The following BRD1 variants were observed in gnomAD, a reference collection of about 807,000 sequenced individuals.
The protein encoded by BRD1 is bromodomain-containing protein 1.
A neutral mutation model predicts 107.7 loss-of-function variants in BRD1; 24 were observed. The observed-to-expected ratio is 0.22, with a 90% CI of 0.16 to 0.31. BRD1 has a LOEUF of 0.31. Ranked by LOEUF, BRD1 falls within the 10% of genes least tolerant of loss-of-function variation. BRD1 has a pLI of 1.00. For missense variants in BRD1, 1,279 were observed against 1,638.6 expected, an observed-to-expected ratio of 0.78 and a Z score of 3.79; for synonymous variants, 744 against 686.1, an observed-to-expected ratio of 1.08 and a Z score of -1.32.
At chr22:49,809,666 G>A (rs80174192) in intron 2 of BRD1, among the ~76,000 whole-genome samples, 6 of 152,060 alleles carry the variant, frequency 3.9e-5, no homozygotes, top group African/African-American at 9.7e-5. Context: ...ACTGCTGACC[G>A]ATCAGCTGAA....
chr22:49,775,824 C>CGCCCCCTGCAGCTGTGTGA, intron 11 of BRD1, 79 bp from the exon 12 acceptor site: 1 of 1,281,046 alleles, frequency 7.8e-7, no homozygotes, highest in Non-Finnish European at 1.0e-6. Context: ...CACCCCCCCC[C>CGCCCCCTGCAGCTGTGTGA]GCCTCCCCAC....
chr22:49,776,181 G>A, intron 10 of BRD1, 22 bp from the exon 11 acceptor site: 1 of 1,592,982 alleles, frequency 6.3e-7, no homozygotes, highest in South Asian at 1.1e-5. Flanking sequence ...GGCGTCAGCA[G>A]GACACAGGCG....
intron 2 of BRD1, among the ~76,000 whole-genome samples, chr22:49,810,507 T>C (rs1039242411): frequency 1.3e-5 from 2 of 152,208 alleles, no homozygotes; most frequent in African/African-American, 4.8e-5. Context: ...TAAATGTTTG[T>C]GCTTCAAAGA....
chr22:49,802,053 C>A (rs1197598823), intron 3 of BRD1, among the ~76,000 whole-genome samples: 1 of 152,264 alleles, frequency 6.6e-6, no homozygotes, highest in Non-Finnish European at 1.5e-5. Context: ...GGAGTTCTGT[C>A]CAGCCCCGAG....
chr22:49,814,736 G>C (rs17001323), intron 2 of BRD1, among the ~76,000 whole-genome samples: 2,899 of 152,326 alleles, frequency 0.019, 82 homozygotes, highest in African/African-American at 0.066. Context: ...ATCGCCTCCA[G>C]CAGGTAGCAC....
Position 49,815,085 on chromosome 22 carries a change from G to C in BRD1, c.1367+7866C>G, listed in dbSNP as rs963442566. 2.0e-5 allele frequency among the ~76,000 whole-genome samples: 3 copies of C among 152,220 alleles called. No homozygotes were observed. The East Asian group carries it at 5.8e-4, about 29-fold the overall frequency. The stretch of plus-strand genomic sequence containing the variant: ...ACTGTGGTTCATGGCCCACGGCCCT[G>C]CTCTGCGAAATGCTACCTTTAGTTC... On this transcript the variant is annotated intron_variant, in intron 2 of 12. Coordinates refer to ENST00000404760, the MANE Select transcript of BRD1 (RefSeq NM_001304808.3).
chr22:49,775,771 C>T (rs2146903184), intron 11 of BRD1, 26 bp from the exon 12 acceptor site: 1 of 1,600,712 alleles, frequency 6.2e-7, no homozygotes, highest in South Asian at 1.1e-5. Context: ...CCGCTGAGGT[C>T]ATTGTGAGGC....
At chr22:49,819,959 G>A (rs566268765) in intron 2 of BRD1, among the ~76,000 whole-genome samples, 78 of 151,718 alleles carry the variant, frequency 5.1e-4, no homozygotes, top group African/African-American at 1.8e-3. Context: ...GTGAAACCCC[G>A]TCTCTACTAA....
chr22:49,787,331 A>C, intron 8 of BRD1, 59 bp downstream of exon 8: 3 of 918,516 alleles, frequency 3.3e-6, no homozygotes, highest in Non-Finnish European at 1.5e-6. Flanking sequence ...AATGATCCTG[A>C]AGGACGCTCC....
rs2059580583 is a variant in BRD1, at chr22:49,798,577, T to C, written c.1766A>G (p.Gln589Arg). ...QDKDPARIFA[Q>R]PVSLKEVPDY... ...ACCCACCTCCTTCAGACTCACGGGC[T>C]GCGCAAATATCCTGGCGGGGTCCTT... Residue 589 changes from glutamine to arginine, a missense_variant, in exon 5 of 13, where the codon CAG becomes CGG. Physicochemically the swap from Gln to Arg is conservative, Grantham distance 43. Transcript: ENST00000404760. 6.2e-7 allele frequency: 1 copy of C among 1,614,176 alleles called. No individual in the cohort carries two copies. Among genetic ancestry groups the C allele is most frequent in the Non-Finnish European group, 8.5e-7 (1 of 1,180,036 alleles).
intron 2 of BRD1, among the ~76,000 whole-genome samples, chr22:49,808,140 T>TA (rs1224064324): frequency 6.6e-6 from 1 of 152,182 alleles, no homozygotes; most frequent in Non-Finnish European, 1.5e-5. Context: ...CTCAAACACT[T>TA]AAAGACAGAA....
At chr22:49,781,388 A>C (rs777157242) in intron 8 of BRD1, among the ~76,000 whole-genome samples, 9 of 152,202 alleles carry the variant, frequency 5.9e-5, no homozygotes, top group Non-Finnish European at 1.0e-4. Flanking sequence ...AGGGAAGAGA[A>C]GCCCCAGGGC....
At chr22:49,822,195 GC>G (rs1419816440) in intron 2 of BRD1, among the ~76,000 whole-genome samples, 2 of 152,208 alleles carry the variant, frequency 1.3e-5, no homozygotes, top group Non-Finnish European at 2.9e-5. Context: ...GGATGCAGAG[GC>G]AGGCAGACTG....
chr22:49,785,441 C>T (rs1426529790), intron 8 of BRD1, among the ~76,000 whole-genome samples: 1 of 152,248 alleles, frequency 6.6e-6, no homozygotes, highest in Admixed American at 6.5e-5. Context: ...GAGGGGACGC[C>T]CACAATTACA....
intron 7 of BRD1, among the ~76,000 whole-genome samples, chr22:49,790,870 G>T (rs1052551337): frequency 2.6e-5 from 4 of 152,216 alleles, no homozygotes; most frequent in Non-Finnish European, 5.9e-5. Context: ...ACGGCAGGGG[G>T]ACTTCCACAC....
At chr22:49,776,206 G>GCGTCA in intron 10 of BRD1, 47 bp from the exon 11 acceptor site, 1 of 1,517,480 alleles carries the variant, frequency 6.6e-7, no homozygotes, top group Non-Finnish European at 9.0e-7. Flanking sequence ...CAGGACACGG[G>GCGTCA]GCACGCCCCG....
In BRD1 at chr22:49,824,051, A is replaced by C. The variant is rs1354966533; in HGVS notation, c.267T>G (p.Thr89=). 1.9e-6 allele frequency: 3 copies of C among 1,613,918 alleles called. No individual in the cohort carries two copies. In the Admixed American group the frequency reaches 5.0e-5, roughly 27 times the overall value. Residue 89 remains threonine, a synonymous_variant, in exon 2 of 13, where the codon ACT becomes ACG. Coordinates refer to ENST00000404760, the MANE Select transcript of BRD1 (RefSeq NM_001304808.3). The surrounding 1 kb of genome is among the most constrained non-coding windows in gnomAD (Gnocchi z 5.9). ...NSERPPVCLR[T]KRHKNNRVKK... is the part of the protein sequence containing the mutation. Reference sequence around the variant, plus strand: ...TGACTCTGTTGTTTTTGTGACGCTTAGTTCTTAAGCAGACAGGAGGCCGCT... The same window carrying C: ...TGACTCTGTTGTTTTTGTGACGCTTCGTTCTTAAGCAGACAGGAGGCCGCT...
intron 2 of BRD1, among the ~76,000 whole-genome samples, chr22:49,814,806 A>G (rs962218988): frequency 6.6e-6 from 1 of 152,212 alleles, no homozygotes; most frequent in African/African-American, 2.4e-5. Flanking sequence ...CCCCAGTAGT[A>G]AAGAAAACTT....
rs368291617 is a variant in BRD1, at chr22:49,798,995, C to A, written c.1649G>T (p.Arg550Leu). 2.5e-6 allele frequency: 4 copies of A among 1,607,272 alleles called. No homozygotes were observed. Among genetic ancestry groups the A allele is most frequent in the African/African-American group, 1.3e-5 (1 of 74,882 alleles). Residue 550 changes from arginine (R) to leucine (L), a missense_variant, in exon 4 of 13, where the codon CGT (arginine) becomes CTT (leucine). By Grantham distance (102) the Arg-to-Leu change is moderately radical. Coordinates refer to ENST00000404760, the MANE Select transcript of BRD1 (RefSeq NM_001304808.3). ...ELLRKREKLK[R>L]EQVKVEQVAM... The stretch of plus-strand genomic sequence containing the variant: ...GGACAGGCCCAGCCCCACCTGCTCA[C>A]GCTTGAGCTTCTCCCGCTTGCGCAG...
Sources: gnomAD v4.1 joint callset for allele counts (sites outside exome capture counted in the v4.1 genomes callset) on GRCh38, gnomAD v4.1.1 for gene constraint, Gnocchi (gnomAD v3.1) non-coding constraint, MANE v1.5 for transcripts, NCBI Gene and HGNC (gene_info 2026-07-23, HGNC 2026-07-21) for gene names.